Variants in STS observed in about 807,000 individuals in gnomAD.
STS encodes the protein steryl-sulfatase.
A neutral mutation model predicts 26.8 loss-of-function variants in STS; 7 were observed. The ratio of observed to expected loss-of-function variants is 0.26; its 90% CI spans 0.15 to 0.49. The LOEUF (loss-of-function observed/expected upper bound fraction) is 0.49. STS is among the 20% of genes least tolerant of loss of function. The pLI is 0.98. For synonymous variants in STS, 199 were observed against 189.4 expected (o/e 1.05, Z -0.42); for missense variants, 434 against 465.6 (o/e 0.93, Z 0.63).
intron 2 of STS, among the ~76,000 whole-genome samples, chrX:7,220,601 T>G (rs1299924134): frequency 1.0e-5 from 1 of 97,643 alleles, no homozygotes; most frequent in Non-Finnish European, 2.0e-5. Flanking sequence ...CAGGCTGCAG[T>G]GCAGTGGCGC....
At chrX:7,212,567 C>T (rs1301974986) in intron 2 of STS, among the ~76,000 whole-genome samples, 2 of 112,104 alleles carry the variant, frequency 1.8e-5, no homozygotes, top group Non-Finnish European at 3.8e-5. Flanking sequence ...TTATACAATG[C>T]GTACCTTTGA....
chrX:7,257,334 T>C lies in STS; in HGVS notation c.230T>C (p.Phe77Ser), dbSNP rs1923465860. The C allele has an allele frequency of 8.3e-7, 1 of 1,210,668 alleles. No individual in the cohort carries two copies. Among genetic ancestry groups the C allele is most frequent in the Non-Finnish European group, 1.1e-6 (1 of 895,224 alleles). Residue 77 changes from phenylalanine (F) to serine (S), a missense_variant, in exon 4 of 11, where the codon TTC (phenylalanine) becomes TCC (serine). By Grantham distance (155) the Phe-to-Ser change is radical. Transcript: ENST00000674429. ...CTGTGCACACCAAGCAGGGCAGCCT[T>C]CATGACTGGCCGGTACCCTGTCCGA... The part of the protein sequence containing the change: ...SPLCTPSRAA[F>S]MTGRYPVRSG...
Position 7,353,550 on chromosome X carries a change from G to A in STS, c.*3289G>A, listed in dbSNP as rs1928887935. Reference sequence around the variant, plus strand: ...GGTATCCTACCCTGGTGAAGCAGCTGCTTTGCTCTACAAATACCTGGGGCA... The same window carrying A: ...GGTATCCTACCCTGGTGAAGCAGCTACTTTGCTCTACAAATACCTGGGGCA... On this transcript the variant is annotated 3_prime_UTR_variant, in exon 11 of 11. Coordinates refer to ENST00000674429, the MANE Select transcript of STS (RefSeq NM_001320752.2). 9.0e-6 allele frequency: 1 copy of A among 110,774 alleles called. No individual in the cohort carries two copies. Among genetic ancestry groups the A allele is most frequent in the African/African-American group, 3.3e-5 (1 of 30,439 alleles). 9.1% of individuals were successfully genotyped at this position (110,774 alleles called of 1,213,427 possible).
intron 1 of STS, among the ~76,000 whole-genome samples, 191 bp from the exon 2 acceptor site, chrX:7,190,689 T>C (rs891149631): frequency 5.5e-5 from 6 of 109,735 alleles, no homozygotes; most frequent in Non-Finnish European, 1.1e-4. Flanking sequence ...GGTGGGAGGA[T>C]TACTTGAGCC....
At chrX:7,245,691 C>G (rs1922833837) in intron 2 of STS, among the ~76,000 whole-genome samples, 1 of 112,283 alleles carries the variant, frequency 8.9e-6, no homozygotes, top group Non-Finnish European at 1.9e-5. Context: ...CAAAATAACT[C>G]AAACTGCACT....
chrX:7,215,072 C>T (rs768376963), intron 2 of STS, among the ~76,000 whole-genome samples: 3 of 84,344 alleles, frequency 3.6e-5, no homozygotes, highest in East Asian at 3.5e-4. Flanking sequence ...TATATATACA[C>T]GTATATATGT....
intron 2 of STS, among the ~76,000 whole-genome samples, chrX:7,205,295 AATTATTAT>A (rs1934188359): frequency 8.9e-6 from 1 of 112,098 alleles, no homozygotes; most frequent in Non-Finnish European, 1.9e-5. Context: ...TAATTATTGC[AATTATTAT>A]TCATCACGTT....
rs762225334 is a variant in STS at position 7,350,681 on chromosome X, C to T, written c.*420C>T. On this transcript the variant is annotated 3_prime_UTR_variant, in exon 11 of 11. Transcript: ENST00000674429. ...AAGTTACCATTTACTCTATAATCTG[C>T]AGTGATGCAATAACCAGCATAATAA... is the stretch of plus-strand genomic sequence containing the variant. The T allele has an allele frequency of 8.2e-5, 11 of 133,825 alleles. No homozygotes were observed. Among genetic ancestry groups the T allele is most frequent in the Non-Finnish European group, 1.5e-4 (10 of 67,701 alleles). 11.0% of individuals were successfully genotyped at this position (133,825 alleles called of 1,213,427 possible).
intron 7 of STS, among the ~76,000 whole-genome samples, chrX:7,276,436 A>C (rs1352395219): frequency 9.0e-6 from 1 of 110,536 alleles, no homozygotes; most frequent in Non-Finnish European, 1.9e-5. Context: ...GCACCACTGC[A>C]CTCCAGCCTG....
rs1928808411 is a variant in STS at position 7,351,777 on chromosome X, G to C, written c.*1516G>C. 9.1e-6 allele frequency: 1 copy of C among 110,296 alleles called. No homozygotes were observed. The allele number at this position is 110,296 out of a possible 1,213,427, so 9.1% of individuals were successfully genotyped here. On this transcript the variant is annotated 3_prime_UTR_variant, in exon 11 of 11. Transcript: ENST00000674429. Reference sequence around the variant, plus strand: ...TTGCAGAGAATGTTAGCCATGACTTGGGCTTTCTGAAAGTTGGCTATAATT... The same window carrying C: ...TTGCAGAGAATGTTAGCCATGACTTCGGCTTTCTGAAAGTTGGCTATAATT...
chrX:7,265,729 G>A (rs1923973790), intron 6 of STS, among the ~76,000 whole-genome samples: 1 of 112,052 alleles, frequency 8.9e-6, no homozygotes, highest in Non-Finnish European at 1.9e-5. Context: ...CTAGCATCTT[G>A]TACACTGTGT....
At chrX:7,201,161 AGAT>A (rs1373503785) in intron 2 of STS, among the ~76,000 whole-genome samples, 1 of 111,588 alleles carries the variant, frequency 9.0e-6, no homozygotes, top group African/African-American at 3.3e-5. Context: ...ATATGTAGAT[AGAT>A]GATAGATAGG....
chrX:7,173,673 G>C (rs1381063878), intron 1 of STS, among the ~76,000 whole-genome samples: 1 of 112,168 alleles, frequency 8.9e-6, no homozygotes, highest in Non-Finnish European at 1.9e-5. Context: ...GTTTTGATTT[G>C]CATTTCTCTA....
At chrX:7,295,527 A>G in intron 7 of STS, among the ~76,000 whole-genome samples, 1 of 111,188 alleles carries the variant, frequency 9.0e-6, no homozygotes, top group Non-Finnish European at 1.9e-5. Flanking sequence ...TAGAAAAATC[A>G]TAGATGAGAA....
chrX:7,148,209 G>T (rs1390064684), intron 1 of STS, 126 bp downstream of exon 1: 9 of 500,366 alleles, frequency 1.8e-5, no homozygotes, highest in Non-Finnish European at 2.4e-5. Context: ...CGCGCGCCCG[G>T]GGTCGCTCTG....
intron 10 of STS, among the ~76,000 whole-genome samples, chrX:7,345,796 G>A (rs1438128199): frequency 9.0e-6 from 1 of 111,707 alleles, no homozygotes; most frequent in Non-Finnish European, 1.9e-5. Flanking sequence ...GCCACAACCC[G>A]ACTCCAAGAC....
At chrX:7,150,609 T>C (rs1932992939) in intron 1 of STS, among the ~76,000 whole-genome samples, 1 of 112,211 alleles carries the variant, frequency 8.9e-6, no homozygotes, top group Non-Finnish European at 1.9e-5. Flanking sequence ...AGAGACAGAT[T>C]GGGAAATCGT....
At chrX:7,147,383 C>A (rs144992753), upstream of STS, among the ~76,000 whole-genome samples, 18 of 111,484 alleles carry the variant, frequency 1.6e-4, no homozygotes, top group East Asian at 5.1e-3. Flanking sequence ...TTGCATAGGG[C>A]ACTCCTGTGC....
At chrX:7,241,316 G>T (rs1442101601) in intron 2 of STS, among the ~76,000 whole-genome samples, 2 of 111,733 alleles carry the variant, frequency 1.8e-5, no homozygotes, top group Non-Finnish European at 3.8e-5. Flanking sequence ...ATAGTCCAAA[G>T]TAGGTCTCTA....
Sources: gnomAD v4.1 joint callset for allele counts (sites outside exome capture counted in the v4.1 genomes callset) on GRCh38, gnomAD v4.1.1 for gene constraint, MANE v1.5 for transcripts, NCBI Gene and HGNC (gene_info 2026-07-23, HGNC 2026-07-21) for gene names.